The following STOML1 variants were observed in gnomAD, a reference collection of about 807,000 sequenced individuals.
STOML1 encodes stomatin like 1.
In STOML1, 27 loss-of-function variants were observed where a neutral mutation model predicts 35.7. The ratio of observed to expected loss-of-function variants is 0.76; its 90% CI spans 0.56 to 1.04. STOML1 has a LOEUF of 1.04. STOML1 is among the 50% of genes least tolerant of loss of function. The pLI is 0.00. For missense variants in STOML1, 451 were observed against 527.1 expected (o/e 0.86, Z 1.41); for synonymous variants, 219 against 227.9 (o/e 0.96, Z 0.35).
chr15:73,991,909 G>A, intron 1 of STOML1, 182 bp downstream of exon 1: 1 of 947,580 alleles, frequency 1.1e-6, no homozygotes, highest in Non-Finnish European at 1.5e-6. Context: ...ACCCTAGGGA[G>A]GGCGGATCGG....
Position 73,992,174 on chromosome 15 carries a change from C to T in STOML1, c.50G>A (p.Arg17His). 2 of 1,608,408 alleles carry T rather than the reference C, an allele frequency of 1.2e-6. No individual in the cohort carries two copies. The highest frequency in any genetic ancestry group is 1.7e-6 in the Non-Finnish European group (2 of 1,178,028). Residue 17 changes from arginine to histidine, a missense_variant, in exon 1 of 7, where the codon CGC becomes CAC. Coordinates refer to ENST00000541638, the MANE Select transcript of STOML1 (RefSeq NM_004809.5). ...YRALPLGDFD[R>H]FQQSSFGFLG... is the part of the protein sequence containing the mutation. ...AAAGCCGAAGCTCGACTGCTGGAAG[C>T]GGTCAAAATCACCCAGGGGCAGCGC...
intron 6 of STOML1, 111 bp from the exon 7 acceptor site, chr15:73,984,241 G>A: frequency 1.1e-5 from 13 of 1,202,714 alleles, no homozygotes; most frequent in Non-Finnish European, 1.5e-5. Context: ...TACTGGTTAA[G>A]AGTTTGGGTT....
In STOML1 at chr15:73,983,873, C is replaced by T; in HGVS notation, c.*64G>A. On this transcript the variant is annotated 3_prime_UTR_variant, in exon 7 of 7. Transcript: ENST00000541638. The stretch of plus-strand genomic sequence containing the variant: ...GTGGTGCAGATGAACACCTCCTCCT[C>T]CAAGAGGCCCCTCAGGCTTGGTGCC... The T allele has an allele frequency of 6.5e-7, 1 of 1,531,836 alleles. No homozygotes were observed. The highest frequency in any genetic ancestry group is 8.8e-7 in the Non-Finnish European group (1 of 1,135,552). 94.9% of individuals were successfully genotyped at this position (1,531,836 alleles called of 1,614,324 possible). A position where few individuals can be genotyped will look rare whatever the true frequency, so the allele number is the denominator to read the frequency against.
chr15:73,979,526 A>G lies in STOML1; in HGVS notation c.*4411T>C, dbSNP rs1029189818. ...ACCACCATGCCTGGCTAAATTTTGT[A>G]TTTTTAGTAGAGATGGGGTTTCACC... On this transcript the variant is annotated 3_prime_UTR_variant, in exon 7 of 7. Transcript: ENST00000541638. 5 of 152,012 alleles carry G rather than the reference A, an allele frequency of 3.3e-5. No homozygotes were observed. Among genetic ancestry groups the G allele is most frequent in the Non-Finnish European group, 7.4e-5 (5 of 68,018 alleles). The allele number at this position is 152,012 out of a possible 1,614,324, so 9.4% of individuals were successfully genotyped here. A position where few individuals can be genotyped will look rare whatever the true frequency, so the allele number is the denominator to read the frequency against.
Position 73,989,176 on chromosome 15 carries a change from A to G in STOML1, c.322T>C (p.Leu108=), listed in dbSNP as rs1275822019. 16 of 1,613,012 alleles carry G rather than the reference A, an allele frequency of 9.9e-6. No homozygotes were observed. The highest frequency in any genetic ancestry group is 1.4e-5 in the Non-Finnish European group (16 of 1,179,484). The change falls in exon 3 of 7, where the codon TTG becomes CTG. Residue 108 remains leucine, a synonymous_variant. Transcript: ENST00000541638. The stretch of plus-strand genomic sequence containing the variant: ...CTCTGAAAGGAGTCAATGAAGGGCA[A>G]GAGCAGAACCATGCCAGGTCCCTGG... ...TPQGPGMVLL[L]PFIDSFQRVD... is the part of the protein sequence containing the mutation.
In STOML1 at chr15:73,980,491, A is replaced by C. The variant is rs2068948746; in HGVS notation, c.*3446T>G. 6.6e-6 allele frequency: 1 copy of C among 152,248 alleles called. No homozygotes were observed. Among genetic ancestry groups the C allele is most frequent in the African/African-American group, 2.4e-5 (1 of 41,460 alleles). 9.4% of individuals were successfully genotyped at this position (152,248 alleles called of 1,614,324 possible). On this transcript the variant is annotated 3_prime_UTR_variant, in exon 7 of 7. Transcript: ENST00000541638. ...AGGCTGTCTGTGGTAACATGGAAAG[A>C]TCCTCAGTGGGTAATGTTAAGTGAA...
chr15:73,990,681 C>T (rs2069246343), intron 1 of STOML1: 2 of 1,036,224 alleles, frequency 1.9e-6, no homozygotes, highest in African/African-American at 1.6e-5. Flanking sequence ...CCAAGTCCAA[C>T]AACCCTCACA....
rs1287708047 is a variant in STOML1 at position 73,980,698 on chromosome 15, A to C, written c.*3239T>G. The C allele has an allele frequency of 2.0e-5, 3 of 152,218 alleles. No individual in the cohort carries two copies. The highest frequency in any genetic ancestry group is 7.2e-5 in the African/African-American group (3 of 41,450). 9.4% of individuals were successfully genotyped at this position (152,218 alleles called of 1,614,324 possible). ...AGGCATGGGAAATATGTGTGGAGGGAGAATTTTCATAATATGCTTTCCTAT... is the reference window on the plus strand; with the variant it reads ...AGGCATGGGAAATATGTGTGGAGGGCGAATTTTCATAATATGCTTTCCTAT... On this transcript the variant is annotated 3_prime_UTR_variant, in exon 7 of 7. Transcript: ENST00000541638.
chr15:73,992,721 A>C (rs979950614), upstream of STOML1, among the ~76,000 whole-genome samples: 8 of 152,126 alleles, frequency 5.3e-5, no homozygotes, highest in African/African-American at 1.9e-4. Flanking sequence ...AGGCGGGAGG[A>C]TCTCTTGAGT....
At chr15:73,991,937 G>A (rs1232385019) in intron 1 of STOML1, 154 bp downstream of exon 1, 8 of 1,220,538 alleles carry the variant, frequency 6.6e-6, no homozygotes, top group Non-Finnish European at 7.8e-6. Flanking sequence ...ACCAGGCGCC[G>A]GGTCCAGCCC....
rs1454489286 is a variant in STOML1 at position 73,981,275 on chromosome 15, G to A, written c.*2662C>T. On this transcript the variant is annotated 3_prime_UTR_variant, in exon 7 of 7. Transcript: ENST00000541638. The stretch of plus-strand genomic sequence containing the variant: ...GGTGTCTGAGGCAGGAGAATCACTT[G>A]AATCCGGGAGGTAGAGGTTGCAGTG... 6.6e-6 allele frequency: 1 copy of A among 152,132 alleles called. No homozygotes were observed. The allele number at this position is 152,132 out of a possible 1,614,324, so 9.4% of individuals were successfully genotyped here.
upstream of STOML1, chr15:73,994,588 C>A (rs5742914): frequency 1.6e-6 from 1 of 606,974 alleles, no homozygotes; most frequent in Non-Finnish European, 3.0e-6. Flanking sequence ...TCCGCCTCTA[C>A]CTCCTCCCCG....
At position 73,979,723 on chromosome 15, in the gene STOML1, C is replaced by T. The variant is rs2068940603; in HGVS notation, c.*4214G>A. 6.6e-6 allele frequency: 1 copy of T among 152,056 alleles called. No homozygotes were observed. Among genetic ancestry groups the T allele is most frequent in the Non-Finnish European group, 1.5e-5 (1 of 67,986 alleles). The allele number at this position is 152,056 out of a possible 1,614,324, so 9.4% of individuals were successfully genotyped here. The stretch of plus-strand genomic sequence containing the variant: ...ATGTAAATGCTAGGGGAAGAGAAAC[C>T]AAACCAAACCAAACCCTGTTCTTTG... On this transcript the variant is annotated 3_prime_UTR_variant, in exon 7 of 7. Coordinates refer to ENST00000541638, the MANE Select transcript of STOML1 (RefSeq NM_004809.5).
At position 73,984,134 on chromosome 15, in the gene STOML1, TG is replaced by T. The variant is rs1270912600; in HGVS notation, c.1004-5del. 6.2e-7 allele frequency: 1 copy of T among 1,606,392 alleles called. No individual in the cohort carries two copies. The highest frequency in any genetic ancestry group is 8.5e-7 in the Non-Finnish European group (1 of 1,174,318). ...CCGTGTCCCACTCTTCCTCGTCCTG[TG>T]GGGCAAAAGAAAACCGAGTGTCAGT... On this transcript the variant is annotated splice_polypyrimidine_tract_variant and splice_region_variant and intron_variant, in intron 6 of 6. Coordinates refer to ENST00000541638, the MANE Select transcript of STOML1 (RefSeq NM_004809.5).
intron 5 of STOML1, 88 bp from the exon 6 acceptor site, chr15:73,984,959 C>A (rs1382467032): frequency 2.7e-6 from 4 of 1,466,874 alleles, no homozygotes; most frequent in Non-Finnish European, 3.7e-6. Flanking sequence ...GGCCTCTGCA[C>A]CTTTTGTGGC....
In STOML1 at chr15:73,984,829, G is replaced by A. The variant is rs199632719; in HGVS notation, c.833C>T (p.Pro278Leu). 1.6e-4 allele frequency: 262 copies of A among 1,614,002 alleles called. No individual in the cohort carries two copies. The highest frequency in any genetic ancestry group is 1.9e-4 in the Non-Finnish European group (224 of 1,180,028). Residue 278 changes from proline (P) to leucine (L), a missense_variant, in exon 6 of 7, where the codon CCT (proline) becomes CTT (leucine). Pro to Leu is a moderately conservative substitution (Grantham distance 98). Transcript: ENST00000541638. The stretch of plus-strand genomic sequence containing the variant: ...CGGACTGGACCTGGCACCAACTTGA[G>A]GGGCAGGTGGCTCAACTTCACTCAC... ...EMVSEVEPPA[P>L]QVGARSSPKQ...
At chr15:73,992,059 C>T (rs2069295484) in intron 1 of STOML1, 32 bp downstream of exon 1, 3 of 1,541,350 alleles carry the variant, frequency 1.9e-6, no homozygotes, top group Non-Finnish European at 1.7e-6. Flanking sequence ...GGCCGGTCCC[C>T]CCCGGCTCCG....
At chr15:73,984,170 G>T in intron 6 of STOML1, 40 bp from the exon 7 acceptor site, 1 of 1,582,646 alleles carries the variant, frequency 6.3e-7, no homozygotes, top group East Asian at 2.3e-5. Flanking sequence ...TAGGGGAATG[G>T]AGGAACGTGA....
intron 1 of STOML1, 147 bp from the exon 2 acceptor site, chr15:73,990,604 C>T: frequency 2.2e-6 from 2 of 908,802 alleles, no homozygotes; most frequent in Non-Finnish European, 1.7e-6. Context: ...GCCTAATATT[C>T]CCGTATCTTT....
Sources: gnomAD v4.1 joint callset for allele counts (sites outside exome capture counted in the v4.1 genomes callset) on GRCh38, gnomAD v4.1.1 for gene constraint, MANE v1.5 for transcripts, NCBI Gene and HGNC (gene_info 2026-07-23, HGNC 2026-07-21) for gene names.